Variants in TTF1 observed in about 807,000 individuals in gnomAD.
The protein encoded by TTF1 is transcription termination factor 1, also known as transcription termination factor, RNA polymerase I.
TTF1 carries 64 observed loss-of-function variants against 80.2 expected under a neutral mutation model. The observed-to-expected ratio is 0.80, with a 90% confidence interval of 0.65 to 0.98. The LOEUF (loss-of-function observed/expected upper bound fraction) is 0.98, where lower values mean the gene tolerates loss of function less well. TTF1 is among the 50% of genes least tolerant of loss of function. The pLI is 0.00. For synonymous variants in TTF1, 372 were observed against 382.7 expected (o/e 0.97, Z 0.33); for missense variants, 1,023 against 1,086.2 (o/e 0.94, Z 0.82).
chr9:132,394,841 C>T lies in TTF1; in HGVS notation c.1856+1592G>A, dbSNP rs1348893779. ...CCAGGAGGTGGAGGTTCCAATGAGC[C>T]GAGTTCGCACCACTGCACTCCAGTC... is the stretch of plus-strand genomic sequence containing the variant. On this transcript the variant is annotated intron_variant, in intron 5 of 10. Coordinates refer to ENST00000334270, the MANE Select transcript of TTF1 (RefSeq NM_007344.4). Among the ~76,000 whole-genome samples the T allele has an allele frequency of 6.6e-5, 10 of 150,566 alleles. No individual in the cohort carries two copies. In the East Asian group the frequency reaches 1.6e-3, roughly 24 times the overall value.
chr9:132,396,163 A>G (rs1451302322), intron 5 of TTF1, among the ~76,000 whole-genome samples: 1 of 152,238 alleles, frequency 6.6e-6, no homozygotes, highest in Non-Finnish European at 1.5e-5. Flanking sequence ...CAGGAGTCAC[A>G]GCACATGAAG....
chr9:132,387,299 C>G (rs540632857), intron 8 of TTF1, among the ~76,000 whole-genome samples: 17 of 152,246 alleles, frequency 1.1e-4, no homozygotes, highest in African/African-American at 4.1e-4. Flanking sequence ...CCTCCCCCCC[C>G]AATCTACAGA....
intron 4 of TTF1, among the ~76,000 whole-genome samples, chr9:132,397,089 C>T (rs1204340397): frequency 6.6e-6 from 1 of 152,158 alleles, no homozygotes; most frequent in African/African-American, 2.4e-5. Flanking sequence ...CCTTGGAGAT[C>T]TCCGAAAACT....
chr9:132,401,879 C>T lies in TTF1; in HGVS notation c.943G>A (p.Gly315Ser), dbSNP rs1356569875. The T allele has an allele frequency of 6.2e-7, 1 of 1,610,810 alleles. No individual in the cohort carries two copies. The highest frequency in any genetic ancestry group is 8.5e-7 in the Non-Finnish European group (1 of 1,178,802). Residue 315 changes from glycine (G) to serine (S), a missense_variant, in exon 2 of 11, where the codon GGC (glycine) becomes AGC (serine). Physicochemically the swap from Gly to Ser is moderately conservative, Grantham distance 56. Transcript: ENST00000334270. ...ADMQESRPAV[G>S]LHGETAGIPA... Reference sequence around the variant, plus strand: ...ATTCCTGCAGTTTCACCATGCAGGCCCACAGCAGGCCGGGATTCCTGCATA... The same window carrying T: ...ATTCCTGCAGTTTCACCATGCAGGCTCACAGCAGGCCGGGATTCCTGCATA...
In TTF1 at chr9:132,400,087, G is replaced by T; in HGVS notation, c.1539C>A (p.Ile513=). The change falls in exon 3 of 11, where the codon ATC becomes ATA. Residue 513 remains isoleucine, a synonymous_variant. Transcript: ENST00000334270. ...PNIKDRATST[I]KRMYRDDLER... is the part of the protein sequence containing the mutation. ...CCAAGTCGTCCCGGTACATCCGCTT[G>T]ATTGTGCTGGTGGCCCTGTCCTTGA... 6.2e-7 allele frequency: 1 copy of T among 1,614,194 alleles called. No individual in the cohort carries two copies. The highest frequency in any genetic ancestry group is 1.3e-5 in the African/African-American group (1 of 75,046).
At chr9:132,392,971 G>A (rs1479396109) in intron 5 of TTF1, among the ~76,000 whole-genome samples, 1 of 152,106 alleles carries the variant, frequency 6.6e-6, no homozygotes, top group African/African-American at 2.4e-5. Flanking sequence ...TCAAAACCCA[G>A]CATGTGTTTT....
Position 132,390,271 on chromosome 9 carries a change from C to T in TTF1, c.2222+326G>A, listed in dbSNP as rs371915439. On this transcript the variant is annotated intron_variant, in intron 7 of 10. Coordinates refer to ENST00000334270, the MANE Select transcript of TTF1 (RefSeq NM_007344.4). Reference sequence around the variant, plus strand: ...TTGGGATTACACGCATGAGCCACTGCGCGTGGCCCCTTTTTTTCTAATGCT... The same window carrying T: ...TTGGGATTACACGCATGAGCCACTGTGCGTGGCCCCTTTTTTTCTAATGCT... 2.0e-3 allele frequency among the ~76,000 whole-genome samples: 303 copies of T among 152,298 alleles called. 1 individual carries two copies. Among genetic ancestry groups the T allele is most frequent in the African/African-American group, 6.2e-3 (259 of 41,568 alleles).
intron 9 of TTF1, among the ~76,000 whole-genome samples, chr9:132,381,675 GAA>G (rs2131623924): frequency 6.6e-6 from 1 of 152,246 alleles, no homozygotes; most frequent in South Asian, 2.1e-4. Context: ...AGCTAGAAAA[GAA>G]AAGACTTTGG....
In TTF1 at chr9:132,392,138, A is replaced by G. The variant is rs141877247; in HGVS notation, c.1925T>C (p.Ile642Thr). The G allele has an allele frequency of 1.2e-5, 19 of 1,614,204 alleles. No homozygotes were observed. The highest frequency in any genetic ancestry group is 1.4e-5 in the Non-Finnish European group (17 of 1,180,036). ...HSLLGNDWKT[I>T]GEMVARSSLS... ...GCTACTTCGGGCCACCATCTCACCA[A>G]TCGTCTTCCAGTCATTCCCAAGGAG... The change falls in exon 6 of 11, where the codon ATT becomes ACT. Residue 642 changes from isoleucine (I) to threonine (T), a missense_variant. Physicochemically the swap from Ile to Thr is moderately conservative, Grantham distance 89 (BLOSUM62 -1). Coordinates refer to ENST00000334270, the MANE Select transcript of TTF1 (RefSeq NM_007344.4).
intron 10 of TTF1, among the ~76,000 whole-genome samples, chr9:132,377,806 GGTGTGA>G (rs1849249580): frequency 8.4e-6 from 1 of 119,556 alleles, no homozygotes; most frequent in Non-Finnish European, 1.7e-5. Context: ...GTGTGCATGT[GGTGTGA>G]GTGCATGTGG....
chr9:132,402,438 A>C lies in TTF1; in HGVS notation c.384T>G (p.Val128=), dbSNP rs750388963. ...GTAACTTCTGTTCTATGCTCATATCAACACAAACAACATCAACATCCTTTC... is the reference window on the plus strand; with the variant it reads ...GTAACTTCTGTTCTATGCTCATATCCACACAAACAACATCAACATCCTTTC... ...HFRKDVDVVC[V]DMSIEQKLPR... is the part of the protein sequence containing the mutation. The change falls in exon 2 of 11, where the codon GTT becomes GTG. Residue 128 remains valine (V), a synonymous_variant. Transcript: ENST00000334270. The C allele has an allele frequency of 6.2e-7, 1 of 1,614,234 alleles. No individual in the cohort carries two copies. The highest frequency in any genetic ancestry group is 8.5e-7 in the Non-Finnish European group (1 of 1,180,048).
In TTF1 at chr9:132,375,821, T is replaced by C. The variant is rs1473986151; in HGVS notation, c.*94A>G. On this transcript the variant is annotated 3_prime_UTR_variant, in exon 11 of 11. Transcript: ENST00000334270. ...CCTCAGCCTCCCAAGTAGTTGAAAT[T>C]ACAGGTGTGCACTACCACACCCGGC... 9 of 728,828 alleles carry C rather than the reference T, an allele frequency of 1.2e-5. No individual in the cohort carries two copies. The highest frequency in any genetic ancestry group is 2.0e-5 in the Non-Finnish European group (9 of 449,850). The allele number at this position is 728,828 out of a possible 1,614,324, so 45.1% of individuals were successfully genotyped here.
chr9:132,400,029 GCT>G lies in TTF1; in HGVS notation c.1591+4_1591+5del, dbSNP rs1481215586. ...TTCAACAAACACTAAGGCCCCACAAGCTCACCTTGTGCTTTAAATTCCTTAAA... is the reference window on the plus strand; with the variant it reads ...TTCAACAAACACTAAGGCCCCACAAGCACCTTGTGCTTTAAATTCCTTAAA... On this transcript the variant is annotated splice_donor_5th_base_variant and intron_variant, in intron 3 of 10. Coordinates refer to ENST00000334270, the MANE Select transcript of TTF1 (RefSeq NM_007344.4). The G allele has an allele frequency of 6.2e-7, 1 of 1,613,978 alleles. No individual in the cohort carries two copies. The highest frequency in any genetic ancestry group is 8.5e-7 in the Non-Finnish European group (1 of 1,179,982).
chr9:132,388,596 C>T (rs1849511225), intron 7 of TTF1, among the ~76,000 whole-genome samples: 1 of 152,174 alleles, frequency 6.6e-6, no homozygotes, highest in Admixed American at 6.5e-5. Flanking sequence ...CTGCCTAGGC[C>T]TCCCAAAGTG....
At position 132,376,060 on chromosome 9, in the gene TTF1, T is replaced by G. The variant is rs1849170815; in HGVS notation, c.2573A>C (p.Gln858Pro). The G allele has an allele frequency of 1.9e-6, 3 of 1,614,136 alleles. No homozygotes were observed. The highest frequency in any genetic ancestry group is 1.7e-5 in the Admixed American group (1 of 60,002). Residue 858 changes from glutamine (Q) to proline (P), a missense_variant, in exon 11 of 11, where the codon CAA becomes CCA. Coordinates refer to ENST00000334270, the MANE Select transcript of TTF1 (RefSeq NM_007344.4). ...AAAGATGTCTCGAAATGGGAAAACT[T>G]GCTTGGGTGCTGCAGGAGTCTGGAT... ...TKIQTPAAPK[Q>P]VFPFRDIFYY...
chr9:132,386,759 G>T (rs1849475552), intron 8 of TTF1, 138 bp from the exon 9 acceptor site: 1 of 668,492 alleles, frequency 1.5e-6, no homozygotes, highest in South Asian at 1.9e-5. Flanking sequence ...CATGCACAGT[G>T]AGCTCAGCAT....
At chr9:132,379,781 C>T (rs12684324) in intron 9 of TTF1, among the ~76,000 whole-genome samples, 1 of 152,038 alleles carries the variant, frequency 6.6e-6, no homozygotes. Flanking sequence ...GGTTTTGGTA[C>T]GTTTTCAATT....
intron 8 of TTF1, 135 bp from the exon 9 acceptor site, chr9:132,386,756 A>G (rs771121467): frequency 3.0e-6 from 2 of 674,966 alleles, no homozygotes; most frequent in Non-Finnish European, 5.1e-6. Flanking sequence ...ACACATGCAC[A>G]GTGAGCTCAG....
At chr9:132,379,332 G>A in intron 9 of TTF1, 188 bp from the exon 10 acceptor site, 1 of 440,062 alleles carries the variant, frequency 2.3e-6, no homozygotes, top group Non-Finnish European at 4.0e-6. Context: ...TTGTTTATTT[G>A]GTTTAAAAAA....
Sources: gnomAD v4.1 joint callset for allele counts (sites outside exome capture counted in the v4.1 genomes callset) on GRCh38, gnomAD v4.1.1 for gene constraint, MANE v1.5 for transcripts, NCBI Gene and HGNC (gene_info 2026-07-23, HGNC 2026-07-21) for gene names.